Variants in DCP1A observed in about 807,000 individuals in gnomAD.
The protein encoded by DCP1A is decapping mRNA 1A.
DCP1A carries 20 observed loss-of-function variants against 58.0 expected under a neutral mutation model. That is an observed-to-expected ratio of 0.34 (90% CI 0.24 to 0.50). The LOEUF is 0.50. DCP1A is among the 20% of genes least tolerant of loss of function. The pLI is 0.98. For synonymous variants in DCP1A, 285 were observed against 275.1 expected (o/e 1.04, Z -0.36); for missense variants, 613 against 712.2 (o/e 0.86, Z 1.59).
chr3:53,316,519 C>T lies in DCP1A; in HGVS notation c.371+2888G>A, dbSNP rs151297486. Reference sequence around the variant, plus strand: ...GCCCAAGTGATCTGCCCACCTGGGCCTCACAAGTATTATAGCTGAAATGAC... The same window carrying T: ...GCCCAAGTGATCTGCCCACCTGGGCTTCACAAGTATTATAGCTGAAATGAC... On this transcript the variant is annotated intron_variant, in intron 4 of 9. Transcript: ENST00000610213. Among the ~76,000 whole-genome samples, 101 of 151,866 alleles carry T rather than the reference C, an allele frequency of 6.7e-4. 3 individuals are homozygous for T. The East Asian group carries it at 7.9e-3, about 12-fold the overall frequency.
chr3:53,335,724 T>C (rs1466299898), intron 3 of DCP1A, among the ~76,000 whole-genome samples: 1 of 152,258 alleles, frequency 6.6e-6, no homozygotes, highest in Non-Finnish European at 1.5e-5. Context: ...AATTAACTGT[T>C]GAATCCAAGT....
intron 3 of DCP1A, among the ~76,000 whole-genome samples, chr3:53,325,026 A>C (rs1365026102): frequency 6.6e-6 from 1 of 152,192 alleles, no homozygotes; most frequent in Non-Finnish European, 1.5e-5. Context: ...GTAAAAAAAA[A>C]TACAAATTAC....
intron 1 of DCP1A, 115 bp from the exon 2 acceptor site, chr3:53,345,057 T>C: frequency 2.5e-6 from 2 of 815,182 alleles, no homozygotes; most frequent in Non-Finnish European, 3.9e-6. Context: ...TCATCTATTA[T>C]AAAATTAACC....
At chr3:53,331,461 C>T (rs1294028994) in intron 3 of DCP1A, among the ~76,000 whole-genome samples, 3 of 152,098 alleles carry the variant, frequency 2.0e-5, no homozygotes, top group Admixed American at 6.6e-5. Context: ...AAATTCTTAC[C>T]AATGTGCTAT....
At chr3:53,303,304 T>C (rs374672621) in intron 6 of DCP1A, among the ~76,000 whole-genome samples, 8 of 151,748 alleles carry the variant, frequency 5.3e-5, no homozygotes, top group African/African-American at 1.9e-4. Context: ...TCTTACTCTG[T>C]TGCTCAGACT....
intron 4 of DCP1A, among the ~76,000 whole-genome samples, chr3:53,315,744 G>GTTGTTTTTTTT (rs1707785523): frequency 2.1e-5 from 2 of 95,416 alleles, no homozygotes; most frequent in Non-Finnish European, 3.8e-5. Context: ...TCAGTTTGTT[G>GTTGTTTTTTTT]TTTTTTTTTT....
rs1249493401 is a variant in DCP1A, at chr3:53,287,339, TCTC to T, written c.*238_*240del. 8.1e-6 allele frequency: 3 copies of T among 369,860 alleles called. No homozygotes were observed. The highest frequency in any genetic ancestry group is 2.4e-5 in the African/African-American group (1 of 41,488). 22.9% of individuals were successfully genotyped at this position (369,860 alleles called of 1,614,324 possible). A position where few individuals can be genotyped will look rare whatever the true frequency, so the allele number is the denominator to read the frequency against. On this transcript the variant is annotated 3_prime_UTR_variant, in exon 10 of 10. Coordinates refer to ENST00000610213, the MANE Select transcript of DCP1A (RefSeq NM_018403.7). ...CCACATAACTTAACACAATGATCGC[TCTC>T]TTTTTTTTTTTTTTTTTTTTTTTTT...
chr3:53,342,402 A>T, intron 2 of DCP1A, 131 bp from the exon 3 acceptor site: 1 of 697,336 alleles, frequency 1.4e-6, no homozygotes, highest in Non-Finnish European at 2.3e-6. Flanking sequence ...CAGCACTTAC[A>T]TCTGTAAACA....
rs1404906721 is a variant in DCP1A, at chr3:53,283,845, A to T, written c.*3735T>A. 3 of 152,224 alleles carry T rather than the reference A, an allele frequency of 2.0e-5. No individual in the cohort carries two copies. Among genetic ancestry groups the T allele is most frequent in the Non-Finnish European group, 2.9e-5 (2 of 68,042 alleles). The allele number at this position is 152,224 out of a possible 1,614,324, so 9.4% of individuals were successfully genotyped here. On this transcript the variant is annotated 3_prime_UTR_variant, in exon 10 of 10. Transcript: ENST00000610213. ...ATATTGCATCTTAGCATTTTAAATGAAGGTGTCAAATACAAAACGGAGGGA... is the reference window on the plus strand; with the variant it reads ...ATATTGCATCTTAGCATTTTAAATGTAGGTGTCAAATACAAAACGGAGGGA...
chr3:53,335,734 TAG>T (rs1426051718), intron 3 of DCP1A, among the ~76,000 whole-genome samples: 1 of 152,254 alleles, frequency 6.6e-6, no homozygotes, highest in Non-Finnish European at 1.5e-5. Flanking sequence ...TGAATCCAAG[TAG>T]AGAGTATCTT....
At chr3:53,325,470 T>A (rs1346861220) in intron 3 of DCP1A, among the ~76,000 whole-genome samples, 3 of 152,184 alleles carry the variant, frequency 2.0e-5, no homozygotes, top group Non-Finnish European at 4.4e-5. Flanking sequence ...TTCTTTTTCC[T>A]GAAACTCTGT....
chr3:53,292,946 G>A (rs1553686387), intron 6 of DCP1A, 119 bp from the exon 7 acceptor site: 1 of 1,055,930 alleles, frequency 9.5e-7, no homozygotes, highest in Middle Eastern at 2.3e-4. Context: ...ATCAAAATAA[G>A]GAACGGAAAA....
intron 4 of DCP1A, among the ~76,000 whole-genome samples, chr3:53,313,539 G>A (rs1487778346): frequency 6.6e-6 from 1 of 152,052 alleles, no homozygotes; most frequent in East Asian, 1.9e-4. Context: ...TGGGTGGTAA[G>A]CACATACATA....
At chr3:53,290,900 C>T (rs1706842516) in intron 7 of DCP1A, 44 bp from the exon 8 acceptor site, 4 of 1,515,070 alleles carry the variant, frequency 2.6e-6, no homozygotes, top group Non-Finnish European at 3.6e-6. Flanking sequence ...TAAGAAGTTT[C>T]AATTAAGAAG....
Position 53,301,493 on chromosome 3 carries a change from G to C in DCP1A, c.624+2684C>G, listed in dbSNP as rs375392016. On this transcript the variant is annotated intron_variant, in intron 6 of 9. Coordinates refer to ENST00000610213, the MANE Select transcript of DCP1A (RefSeq NM_018403.7). ...TCACCATGTTGGTCAGGCTAGTCTC[G>C]AACTCCTGACCTCAAGTGATCCACC... 1.1e-3 allele frequency among the ~76,000 whole-genome samples: 169 copies of C among 152,062 alleles called. 1 individual carries two copies. The South Asian group carries it at 0.033, about 30-fold the overall frequency.
At chr3:53,289,971 T>C (rs1559678333) in intron 8 of DCP1A, among the ~76,000 whole-genome samples, 3 of 152,308 alleles carry the variant, frequency 2.0e-5, no homozygotes, top group South Asian at 2.1e-4. Context: ...TAGATCACCA[T>C]GCAGAAGGAC....
intron 3 of DCP1A, among the ~76,000 whole-genome samples, chr3:53,340,123 A>C (rs1185355157): frequency 6.6e-6 from 1 of 151,758 alleles, no homozygotes; most frequent in Admixed American, 6.6e-5. Flanking sequence ...GGGGGTTTTG[A>C]CATGTTGCCC....
chr3:53,334,351 T>C (rs1232816734), intron 3 of DCP1A, among the ~76,000 whole-genome samples: 1 of 152,214 alleles, frequency 6.6e-6, no homozygotes, highest in African/African-American at 2.4e-5. Context: ...TCTGAGTCTT[T>C]TAACTGGCAA....
chr3:53,305,808 T>C (rs142062615), intron 5 of DCP1A, among the ~76,000 whole-genome samples: 161 of 152,354 alleles, frequency 1.1e-3, no homozygotes, highest in African/African-American at 3.6e-3. Context: ...AGGTTTTTTT[T>C]GTCGCATATG....
Sources: allele counts gnomAD v4.1 joint callset (sites outside exome capture counted in the v4.1 genomes callset), GRCh38; gene constraint gnomAD v4.1.1; transcripts MANE v1.5; gene names NCBI Gene and HGNC (gene_info 2026-07-23, HGNC 2026-07-21).